Variants in REELD1 observed in about 807,000 individuals in gnomAD.
REELD1 encodes reelin domain-containing protein 1.
In REELD1, 12 loss-of-function variants were observed where a neutral mutation model predicts 6.3. The observed-to-expected ratio is 1.89, with a 90% confidence interval of 1.21 to 3.07. The LOEUF (loss-of-function observed/expected upper bound fraction) is 3.07, where lower values mean the gene tolerates loss of function less well. Among genes scored for constraint, REELD1 ranks in the 30% most tolerant of loss-of-function variants. The probability of loss-of-function intolerance (pLI) is 0.00; values close to 1 mark genes in which losing one functional copy is unlikely to be tolerated. For synonymous variants in REELD1, 57 were observed against 33.6 expected, an observed-to-expected ratio of 1.70 and a Z score of -2.42; for missense variants, 163 against 86.8, an observed-to-expected ratio of 1.88 and a Z score of -3.49.
chr4:146,224,302 ATC>A (rs910260245), intron 4 of REELD1, 141 bp from the exon 5 acceptor site: 8 of 419,978 alleles, frequency 1.9e-5, no homozygotes, highest in Admixed American at 4.2e-5. Flanking sequence ...TAATAATATA[ATC>A]TCTCTCTCTC....
chr4:146,229,280 G>A (rs540021496), intron 7 of REELD1, among the ~76,000 whole-genome samples, 192 bp downstream of exon 7: 11 of 152,234 alleles, frequency 7.2e-5, no homozygotes, highest in Middle Eastern at 3.4e-3. Flanking sequence ...TGAAGTGATC[G>A]GCAATTGTAG....
rs543061031 is a variant in REELD1 at position 146,230,585 on chromosome 4, A to T, written c.*72A>T. On this transcript the variant is annotated 3_prime_UTR_variant, in exon 8 of 8. Transcript: ENST00000623665. ...AGAGTGTCCCAGACAGAGCAGAGAT[A>T]ATGAGAATAACTGATGAAGACAGGG... is the stretch of plus-strand genomic sequence containing the variant. 3.8e-5 allele frequency: 15 copies of T among 397,726 alleles called. No homozygotes were observed. In the South Asian group the frequency reaches 1.2e-3, roughly 33 times the overall value. 24.6% of individuals were successfully genotyped at this position (397,726 alleles called of 1,614,324 possible).
At chr4:146,222,223 C>G (rs1386680028) in intron 3 of REELD1, 134 bp from the exon 4 acceptor site, 1 of 396,908 alleles carries the variant, frequency 2.5e-6, no homozygotes, top group East Asian at 3.6e-5. Context: ...AGGACTTCAA[C>G]TTTACCCCCC....
rs1280159701 is a variant in REELD1, at chr4:146,229,976, G to A, written c.1044G>A (p.Gln348=). The A allele has an allele frequency of 5.0e-6, 2 of 398,592 alleles. No homozygotes were observed. Among genetic ancestry groups the A allele is most frequent in the African/African-American group, 4.1e-5 (2 of 48,632 alleles). The allele number at this position is 398,592 out of a possible 1,614,324, so 24.7% of individuals were successfully genotyped here. Residue 348 remains glutamine, a synonymous_variant, in exon 8 of 8, where the codon CAG becomes CAA. Coordinates refer to ENST00000623665, the MANE Select transcript of REELD1 (RefSeq NM_001354631.1). The part of the protein sequence containing the change: ...PLSTVQLTYP[Q]CLWSSETFTG... ...CCACCGTCCAGCTTACCTATCCCCA[G>A]TGCCTCTGGTCCTCTGAAACTTTCA...
intron 7 of REELD1, 54 bp downstream of exon 7, chr4:146,229,142 G>A (rs989283440): frequency 1.9e-5 from 13 of 697,584 alleles, no homozygotes; most frequent in African/African-American, 3.5e-5. Context: ...ATCCTAGAAT[G>A]GTCAGTTTCA....
rs11100920 is a variant in REELD1 at position 146,231,659 on chromosome 4, G to A, written c.*1146G>A. 0.045 allele frequency among the ~76,000 whole-genome samples: 6,791 copies of A among 152,204 alleles called. 209 individuals are homozygous for A. The highest frequency in any genetic ancestry group is 0.1 in the East Asian group (532 of 5,184). ...TGTTTATTGAACACCTAATTCATAC[G>A]GGAACTGTGCTAAGTAGTTTGCGTA... On this transcript the variant is annotated 3_prime_UTR_variant, in exon 8 of 8. Coordinates refer to ENST00000623665, the MANE Select transcript of REELD1 (RefSeq NM_001354631.1).
rs1404081422 is a variant in REELD1, at chr4:146,230,263, TG to T, written c.1334del (p.Gly445GlufsTer107). 2 of 398,708 alleles carry T rather than the reference TG, an allele frequency of 5.0e-6. No individual in the cohort carries two copies. Among genetic ancestry groups the T allele is most frequent in the Non-Finnish European group, 8.8e-6 (2 of 226,236 alleles). 24.7% of individuals were successfully genotyped at this position (398,708 alleles called of 1,614,324 possible). On this transcript the variant is annotated frameshift_variant, in exon 8 of 8. Transcript: ENST00000623665. LOFTEE classifies it low-confidence loss of function (END_TRUNC). ...GGTATCCAGCTCAGAACTCCTCAGC[TG>T]GGAATTCTGCTTTGCCTGTCAGCCA... ...PLGIQLRTPQ[L>X]GILLCLSATL...
At chr4:146,226,732 G>A (rs1475576732) in intron 5 of REELD1, among the ~76,000 whole-genome samples, 1 of 152,180 alleles carries the variant, frequency 6.6e-6, no homozygotes, top group Non-Finnish European at 1.5e-5. Flanking sequence ...TAAGACCATA[G>A]CGGCAAATAT....
rs1731078590 is a variant in REELD1 at position 146,229,005 on chromosome 4, C to T, written c.909-20C>T. 4 of 702,230 alleles carry T rather than the reference C, an allele frequency of 5.7e-6. No homozygotes were observed. Among genetic ancestry groups the T allele is most frequent in the Middle Eastern group, 2.3e-4 (1 of 4,370 alleles). The allele number at this position is 702,230 out of a possible 1,614,324, so 43.5% of individuals were successfully genotyped here. A position where few individuals can be genotyped will look rare whatever the true frequency, so the allele number is the denominator to read the frequency against. ...CAAAACTTAATGACCTGTTTTCAGC[C>T]CTTCCATTCTTCCCTTTAGAACTCA... On this transcript the variant is annotated intron_variant, in intron 6 of 7. Coordinates refer to ENST00000623665, the MANE Select transcript of REELD1 (RefSeq NM_001354631.1).
intron 7 of REELD1, 60 bp from the exon 8 acceptor site, chr4:146,229,845 C>A: frequency 2.5e-6 from 1 of 398,182 alleles, no homozygotes; most frequent in South Asian, 1.3e-4. Flanking sequence ...TTACAAAGTT[C>A]AGTGGCAGCT....
chr4:146,222,632 A>G, intron 4 of REELD1, 53 bp downstream of exon 4: 2 of 398,388 alleles, frequency 5.0e-6, no homozygotes, highest in East Asian at 7.1e-5. Flanking sequence ...CTTTGGAGAG[A>G]GGGGAGCTTC....
chr4:146,223,258 G>A lies in REELD1; in HGVS notation c.431+679G>A, dbSNP rs183364418. Among the ~76,000 whole-genome samples the A allele has an allele frequency of 4.8e-3, 736 of 152,314 alleles. 9 individuals carry two copies. Among genetic ancestry groups the A allele is most frequent in the African/African-American group, 0.017 (699 of 41,574 alleles). ...AAATATGAAGGAGACTGCGCCTGCA[G>A]GCAGAGGTAGTCCAGCTCACATGCT... On this transcript the variant is annotated intron_variant, in intron 4 of 7. Transcript: ENST00000623665.
chr4:146,220,694 C>T (rs1730909097), intron 3 of REELD1, among the ~76,000 whole-genome samples: 1 of 152,216 alleles, frequency 6.6e-6, no homozygotes, highest in Non-Finnish European at 1.5e-5. Context: ...AAGATTGATC[C>T]TTAGACATTA....
chr4:146,224,724 C>A (rs945345148), intron 5 of REELD1, 116 bp downstream of exon 5: 1 of 645,408 alleles, frequency 1.5e-6, no homozygotes, highest in Non-Finnish European at 2.8e-6. Context: ...AAGCAATAAA[C>A]ACCTGCCGTG....
Position 146,229,934 on chromosome 4 carries a change from G to GAC in REELD1, c.1006_1007dup (p.Gln336HisfsTer94), listed in dbSNP as rs1317795722. 2 of 398,548 alleles carry GAC rather than the reference G, an allele frequency of 5.0e-6. No homozygotes were observed. The highest frequency in any genetic ancestry group is 8.8e-6 in the Non-Finnish European group (2 of 226,138). The allele number at this position is 398,548 out of a possible 1,614,324, so 24.7% of individuals were successfully genotyped here. ...AGACGAAGGCCTCTAACAGGACCGT[G>GAC]ACACAGCCTCCTCTGTCCACCGTCC... On this transcript the variant is annotated frameshift_variant, in exon 8 of 8. Coordinates refer to ENST00000623665, the MANE Select transcript of REELD1 (RefSeq NM_001354631.1). LOFTEE classifies it low-confidence loss of function (END_TRUNC).
chr4:146,228,823 A>G (rs1021686523), intron 6 of REELD1, among the ~76,000 whole-genome samples: 1 of 152,200 alleles, frequency 6.6e-6, no homozygotes, highest in Non-Finnish European at 1.5e-5. Context: ...TATATAAAAT[A>G]ATAAGCGACA....
At chr4:146,218,043 TC>T (rs1730856993) in intron 3 of REELD1, among the ~76,000 whole-genome samples, 1 of 152,142 alleles carries the variant, frequency 6.6e-6, no homozygotes. Context: ...TGAGAGATCA[TC>T]CCAGGAAACA....
intron 2 of REELD1, 35 bp from the exon 3 acceptor site, chr4:146,216,907 C>T (rs931825796): frequency 1.8e-5 from 7 of 398,272 alleles, no homozygotes; most frequent in East Asian, 7.1e-5. Context: ...TCCTAAATAA[C>T]GTCTGGACTG....
At chr4:146,220,806 T>C (rs2110918472) in intron 3 of REELD1, among the ~76,000 whole-genome samples, 1 of 152,318 alleles carries the variant, frequency 6.6e-6, no homozygotes, top group African/African-American at 2.4e-5. Context: ...GTTCATCCCC[T>C]GGGGAAAAGG....
Sources: allele counts gnomAD v4.1 joint callset (sites outside exome capture counted in the v4.1 genomes callset), GRCh38; gene constraint gnomAD v4.1.1; transcripts MANE v1.5; gene names NCBI Gene and HGNC (gene_info 2026-07-23, HGNC 2026-07-21).